Variants in TMEM168 observed in about 807,000 individuals in gnomAD.
TMEM168 encodes the protein transmembrane protein 168.
Under a neutral mutation model 53.2 loss-of-function variants are expected in TMEM168, and 40 were observed. That is an observed-to-expected ratio of 0.75 (90% CI 0.58 to 0.98). TMEM168 has a LOEUF of 0.98. Ranked by LOEUF, TMEM168 falls within the 50% of genes least tolerant of loss-of-function variation. TMEM168 has a pLI of 0.00. For missense variants in TMEM168, 771 were observed against 828.8 expected (o/e 0.93, Z 0.86); for synonymous variants, 282 against 293.0 (o/e 0.96, Z 0.38).
At chr7:112,772,713 G>A (rs1008059569) in intron 4 of TMEM168, 68 bp downstream of exon 4, 2 of 1,520,236 alleles carry the variant, frequency 1.3e-6, no homozygotes, top group East Asian at 2.3e-5. Context: ...ACGACTGTGT[G>A]TGAAGTACAG....
At chr7:112,769,476 T>C (rs146145046) in intron 4 of TMEM168, among the ~76,000 whole-genome samples, 47 of 152,298 alleles carry the variant, frequency 3.1e-4, no homozygotes, top group Non-Finnish European at 6.0e-4. Flanking sequence ...TTGCCCAACA[T>C]GCCATCCACA....
rs1402897021 is a variant in TMEM168 at position 112,767,000 on chromosome 7, C to T, written c.*197G>A. The T allele has an allele frequency of 1.4e-5, 8 of 572,268 alleles. No individual in the cohort carries two copies. Among genetic ancestry groups the T allele is most frequent in the Non-Finnish European group, 1.8e-5 (6 of 329,046 alleles). 35.4% of individuals were successfully genotyped at this position (572,268 alleles called of 1,614,324 possible). On this transcript the variant is annotated 3_prime_UTR_variant, in exon 5 of 5. Transcript: ENST00000312814. ...ATGCATTTACAGTAAGCATTTGACT[C>T]CCTACATACTTTCATTATAAAATGT...
chr7:112,787,465 C>A (rs1056021352), intron 1 of TMEM168, among the ~76,000 whole-genome samples: 6 of 152,040 alleles, frequency 3.9e-5, no homozygotes, highest in Admixed American at 2.6e-4. Flanking sequence ...CTGCAACCTC[C>A]GACTATCGGG....
chr7:112,789,452 C>A (rs146489689), intron 1 of TMEM168, among the ~76,000 whole-genome samples: 62 of 152,288 alleles, frequency 4.1e-4, no homozygotes, highest in Non-Finnish European at 6.6e-4. Flanking sequence ...ACAATAGTCA[C>A]CATTGGACAC....
At chr7:112,785,803 A>G (rs1321068271) in intron 1 of TMEM168, among the ~76,000 whole-genome samples, 3 of 152,242 alleles carry the variant, frequency 2.0e-5, no homozygotes, top group African/African-American at 7.2e-5. Context: ...TAGTCAAAAA[A>G]TGATTTAACC....
Position 112,765,833 on chromosome 7 carries a change from T to G in TMEM168, c.*1364A>C, listed in dbSNP as rs1338854349. 6.6e-6 allele frequency: 1 copy of G among 152,482 alleles called. No individual in the cohort carries two copies. The highest frequency in any genetic ancestry group is 1.5e-5 in the Non-Finnish European group (1 of 67,982). 9.4% of individuals were successfully genotyped at this position (152,482 alleles called of 1,614,324 possible). On this transcript the variant is annotated 3_prime_UTR_variant, in exon 5 of 5. Coordinates refer to ENST00000312814, the MANE Select transcript of TMEM168 (RefSeq NM_022484.6). Reference sequence around the variant, plus strand: ...TGCTGCATAGATAGTGGTATACAAGTTCCCTGACTCTAACTTCTTCCTAAC... The same window carrying G: ...TGCTGCATAGATAGTGGTATACAAGGTCCCTGACTCTAACTTCTTCCTAAC...
Position 112,767,734 on chromosome 7 carries a change from T to A in TMEM168, c.1557A>T (p.Thr519=), listed in dbSNP as rs1015928978. 6.2e-7 allele frequency: 1 copy of A among 1,609,426 alleles called. No individual in the cohort carries two copies. Among genetic ancestry groups the A allele is most frequent in the Non-Finnish European group, 8.5e-7 (1 of 1,178,548 alleles). Residue 519 remains threonine, a synonymous_variant, in exon 5 of 5, where the codon ACA becomes ACT. Transcript: ENST00000312814. ...TGEWALAGGD[T]LRLDTLIEWW... ...ATTCTATAAGTGTGTCAAGGCGTAG[T>A]GTATCTCCACCTGTGAACAAGAGAA...
intron 4 of TMEM168, among the ~76,000 whole-genome samples, chr7:112,768,971 G>C (rs1485531788): frequency 2.0e-5 from 3 of 152,158 alleles, no homozygotes; most frequent in Non-Finnish European, 2.9e-5. Context: ...AATTATAACA[G>C]CAGCTATTGC....
intron 1 of TMEM168, among the ~76,000 whole-genome samples, chr7:112,785,866 C>A (rs1304982201): frequency 6.6e-6 from 1 of 152,202 alleles, no homozygotes; most frequent in South Asian, 2.1e-4. Flanking sequence ...AAGAACTGAT[C>A]AATGGTTCAC....
At chr7:112,789,253 C>A (rs1793476445) in intron 1 of TMEM168, among the ~76,000 whole-genome samples, 2 of 151,804 alleles carry the variant, frequency 1.3e-5, no homozygotes, top group African/African-American at 2.4e-5. Flanking sequence ...CATTACATGA[C>A]CCCCATACTT....
chr7:112,785,629 G>C (rs1331564768), intron 1 of TMEM168, among the ~76,000 whole-genome samples: 2 of 152,052 alleles, frequency 1.3e-5, no homozygotes, highest in Non-Finnish European at 2.9e-5. Flanking sequence ...ACCAATTCCT[G>C]ACAAATTCCG....
intron 1 of TMEM168, among the ~76,000 whole-genome samples, chr7:112,789,086 C>G (rs1181449579): frequency 6.6e-6 from 1 of 152,180 alleles, no homozygotes; most frequent in African/African-American, 2.4e-5. Context: ...TCCAACCTTA[C>G]TGACCTTTCA....
intron 2 of TMEM168, among the ~76,000 whole-genome samples, chr7:112,778,028 T>C (rs1253827895): frequency 1.3e-5 from 2 of 152,006 alleles, no homozygotes; most frequent in African/African-American, 4.8e-5. Context: ...TACCTTCTCC[T>C]AGAGGCAATC....
intron 1 of TMEM168, among the ~76,000 whole-genome samples, chr7:112,785,592 C>T (rs1793357239): frequency 6.6e-6 from 1 of 152,094 alleles, no homozygotes; most frequent in African/African-American, 2.4e-5. Context: ...ACTTGCTTTC[C>T]AAATCTAAAC....
chr7:112,785,494 AATTAAAGT>A (rs1793354043), intron 1 of TMEM168, among the ~76,000 whole-genome samples: 1 of 152,204 alleles, frequency 6.6e-6, no homozygotes, highest in African/African-American at 2.4e-5. Context: ...AACTTACTAG[AATTAAAGT>A]ATTAAAGTTA....
In TMEM168 at chr7:112,766,598, A is replaced by C. The variant is rs1792784922; in HGVS notation, c.*599T>G. On this transcript the variant is annotated 3_prime_UTR_variant, in exon 5 of 5. Transcript: ENST00000312814. ...TACATAAAGAATATTTTGATCTAAA[A>C]TGTAACTTGGGTTCTCTGCCACACT... The C allele has an allele frequency of 6.5e-6, 1 of 152,710 alleles. No homozygotes were observed. The highest frequency in any genetic ancestry group is 1.5e-5 in the Non-Finnish European group (1 of 68,100). The allele number at this position is 152,710 out of a possible 1,614,324, so 9.5% of individuals were successfully genotyped here.
chr7:112,774,914 G>A (rs909939587), intron 3 of TMEM168, among the ~76,000 whole-genome samples: 6 of 151,978 alleles, frequency 3.9e-5, no homozygotes, highest in Non-Finnish European at 7.4e-5. Flanking sequence ...ATTCCCTTTA[G>A]GGTAAGATCT....
intron 2 of TMEM168, among the ~76,000 whole-genome samples, chr7:112,776,574 A>G (rs1793089770): frequency 6.6e-6 from 1 of 152,040 alleles, no homozygotes; most frequent in Non-Finnish European, 1.5e-5. Flanking sequence ...GGTACATCCT[A>G]TTTTGTCAAT....
chr7:112,774,331 C>A (rs1304157486), intron 3 of TMEM168, among the ~76,000 whole-genome samples: 1 of 143,614 alleles, frequency 7.0e-6, no homozygotes, highest in Non-Finnish European at 1.5e-5. Context: ...ATTTGTATGG[C>A]ATTTTTCAGT....
Sources: allele counts gnomAD v4.1 joint callset (sites outside exome capture counted in the v4.1 genomes callset), GRCh38; gene constraint gnomAD v4.1.1; transcripts MANE v1.5; gene names NCBI Gene and HGNC (gene_info 2026-07-23, HGNC 2026-07-21).